Variants in SPEN observed in about 807,000 individuals in gnomAD.
SPEN encodes msx2-interacting protein.
In SPEN, 18 loss-of-function variants were observed where a neutral mutation model predicts 269.9. The ratio of observed to expected loss-of-function variants is 0.07; its 90% CI spans 0.05 to 0.10. The LOEUF (loss-of-function observed/expected upper bound fraction) is 0.10, where lower values mean the gene tolerates loss of function less well. SPEN is among the 10% of genes least tolerant of loss of function. SPEN has a pLI of 1.00. For missense variants in SPEN, 3,822 were observed against 4,631.2 expected, an observed-to-expected ratio of 0.83 and a Z score of 5.07; for synonymous variants, 1,726 against 1,765.7, an observed-to-expected ratio of 0.98 and a Z score of 0.56.
chr1:15,893,743 CA>C (rs986344253), intron 3 of SPEN, among the ~76,000 whole-genome samples: 1 of 149,878 alleles, frequency 6.7e-6, no homozygotes, highest in African/African-American at 2.4e-5. Flanking sequence ...TAAAAAAAAA[CA>C]AAAAAAAGCA....
intron 10 of SPEN, among the ~76,000 whole-genome samples, chr1:15,927,516 G>C (rs1350739743): frequency 6.6e-6 from 1 of 152,116 alleles, no homozygotes; most frequent in Non-Finnish European, 1.5e-5. Flanking sequence ...CAAAATTTTA[G>C]TTAAAATTTT....
At chr1:15,902,589 C>T (rs12142732) in intron 3 of SPEN, among the ~76,000 whole-genome samples, 30,080 of 152,018 alleles carry the variant, frequency 0.2, 3,785 homozygotes, top group African/African-American at 0.35. Flanking sequence ...GTGGGAAGGT[C>T]GTTTGAGCCC....
chr1:15,873,701 G>A, intron 2 of SPEN: 2 of 954,938 alleles, frequency 2.1e-6, no homozygotes, highest in Non-Finnish European at 2.4e-6. Flanking sequence ...GAAGAGAGAA[G>A]GCAATGCCTG....
At chr1:15,875,358 A>G (rs2148711639) in intron 2 of SPEN, among the ~76,000 whole-genome samples, 1 of 152,290 alleles carries the variant, frequency 6.6e-6, no homozygotes, top group East Asian at 1.9e-4. Flanking sequence ...ATCACAGGCA[A>G]TTTGAGTATA....
intron 10 of SPEN, 92 bp downstream of exon 10, chr1:15,922,441 A>G (rs2071128338): frequency 1.3e-6 from 1 of 780,376 alleles, no homozygotes; most frequent in Non-Finnish European, 2.1e-6. Flanking sequence ...TTCACTCTTT[A>G]CCCCTACTTT....
At chr1:15,904,743 G>A (rs558565419) in intron 3 of SPEN, among the ~76,000 whole-genome samples, 5 of 149,394 alleles carry the variant, frequency 3.3e-5, no homozygotes, top group Admixed American at 6.7e-5. Context: ...ATGAGCCACC[G>A]TGCCTGTAAT....
At chr1:15,909,161 AC>A (rs2148727995) in intron 3 of SPEN, among the ~76,000 whole-genome samples, 159 bp from the exon 4 acceptor site, 1 of 152,318 alleles carries the variant, frequency 6.6e-6, no homozygotes, top group South Asian at 2.1e-4. Flanking sequence ...GTCTTCTGCC[AC>A]CTCTGAAGGT....
Position 15,933,389 on chromosome 1 carries a change from A to T in SPEN, c.7149A>T (p.Glu2383Asp), listed in dbSNP as rs955453020. The change falls in exon 11 of 15, where the codon GAA (glutamate) becomes GAT (aspartate). Residue 2383 changes from glutamate (E) to aspartate (D), a missense_variant. Physicochemically the swap from Glu to Asp is conservative, Grantham distance 45 (BLOSUM62 2). Coordinates refer to ENST00000375759, the MANE Select transcript of SPEN (RefSeq NM_015001.3). The surrounding 1 kb of genome is among the most constrained non-coding windows in gnomAD (Gnocchi z 5.7). ...TTVQHPEAPQ[E>D]EKQSEKPHST... ...TACAGCACCCCGAAGCCCCACAGGA[A>T]GAAAAGCAGAGTGAGAAACCCCATT... The T allele has an allele frequency of 6.2e-7, 1 of 1,614,080 alleles. No individual in the cohort carries two copies. The highest frequency in any genetic ancestry group is 8.5e-7 in the Non-Finnish European group (1 of 1,180,050).
rs1213649115 is a variant in SPEN, at chr1:15,933,699, G to T, written c.7459G>T (p.Gly2487Trp). 1.9e-6 allele frequency: 3 copies of T among 1,614,040 alleles called. No individual in the cohort carries two copies. The highest frequency in any genetic ancestry group is 3.3e-5 in the Admixed American group (2 of 60,004). Reference sequence around the variant, plus strand: ...AAAGCTCTCACCTCCTGTCGCCTCTGGGGGGATCCCACACCAGAGCCCCCC... The same window carrying T: ...AAAGCTCTCACCTCCTGTCGCCTCTTGGGGGATCCCACACCAGAGCCCCCC... ...AAKLSPPVASGGIPHQSPPTK... is the reference protein window; with the variant it reads ...AAKLSPPVASWGIPHQSPPTK... Residue 2487 changes from glycine (G) to tryptophan (W), a missense_variant, in exon 11 of 15, where the codon GGG (glycine) becomes TGG (tryptophan). Gly to Trp is a radical substitution (Grantham distance 184, BLOSUM62 -2). Transcript: ENST00000375759. This position sits in a 1 kb window ranked among gnomAD's most constrained non-coding sequence, Gnocchi z 5.7.
chr1:15,872,784 T>C (rs958132095), intron 1 of SPEN, 32 bp from the exon 2 acceptor site: 14 of 1,456,134 alleles, frequency 9.6e-6, no homozygotes, highest in Non-Finnish European at 1.1e-5. Flanking sequence ...ATTATTGATA[T>C]GCAGCAATAA....
intron 1 of SPEN, among the ~76,000 whole-genome samples, chr1:15,863,326 A>G (rs993004886): frequency 2.6e-5 from 4 of 152,172 alleles, no homozygotes; most frequent in Non-Finnish European, 5.9e-5. Context: ...GAAGCCTGCA[A>G]TAGTTCTGAA....
chr1:15,856,467 T>C (rs922909679), intron 1 of SPEN, among the ~76,000 whole-genome samples: 1 of 152,090 alleles, frequency 6.6e-6, no homozygotes, highest in Non-Finnish European at 1.5e-5. Context: ...ATACAAATCA[T>C]ATATATTTTC....
intron 3 of SPEN, among the ~76,000 whole-genome samples, chr1:15,905,025 A>T (rs1029413186): frequency 6.7e-6 from 1 of 149,530 alleles, no homozygotes; most frequent in African/African-American, 2.5e-5. Context: ...AGTAGCTGGG[A>T]TTACACACAC....
intron 3 of SPEN, among the ~76,000 whole-genome samples, chr1:15,904,477 A>AAAAAAAAAAAAAAAAAAAAAAAT (rs1557750214): frequency 7.2e-6 from 1 of 137,948 alleles, no homozygotes; most frequent in Non-Finnish European, 1.5e-5. Context: ...AAAAAAAAAA[A>AAAAAAAAAAAAAAAAAAAAAAAT]GTGAACTAAA....
Position 15,897,673 on chromosome 1 carries a change from T to A in SPEN, c.882-11648T>A, listed in dbSNP as rs113788409. On this transcript the variant is annotated intron_variant, in intron 3 of 14. Coordinates refer to ENST00000375759, the MANE Select transcript of SPEN (RefSeq NM_015001.3). The stretch of plus-strand genomic sequence containing the variant: ...CACCACGCCTGGCCTAATTTTTGTA[T>A]TTTTTAGTAGAGATGGAGTTTCACC... Among the ~76,000 whole-genome samples, 837 of 152,172 alleles carry A rather than the reference T, an allele frequency of 5.5e-3. 11 individuals are homozygous for A. The highest frequency in any genetic ancestry group is 0.018 in the African/African-American group (768 of 41,546).
chr1:15,852,045 T>A (rs1168854651), intron 1 of SPEN, among the ~76,000 whole-genome samples: 1 of 152,224 alleles, frequency 6.6e-6, no homozygotes, highest in African/African-American at 2.4e-5. Flanking sequence ...TTAAAATGTT[T>A]GATCACAGTG....
intron 1 of SPEN, among the ~76,000 whole-genome samples, chr1:15,868,675 C>A (rs1414516903): frequency 6.6e-6 from 1 of 152,036 alleles, no homozygotes; most frequent in Non-Finnish European, 1.5e-5. Flanking sequence ...ACCTCGTGAT[C>A]CGCCTGCCTT....
chr1:15,899,540 T>G (rs1204983118), intron 3 of SPEN, among the ~76,000 whole-genome samples: 1 of 143,894 alleles, frequency 6.9e-6, no homozygotes, highest in African/African-American at 2.5e-5. Flanking sequence ...TGGCAGAGTT[T>G]TTTTTTTTTT....
chr1:15,934,995 G>A lies in SPEN; in HGVS notation c.8755G>A (p.Val2919Met), dbSNP rs1246778455. The stretch of plus-strand genomic sequence containing the variant: ...GAAGCCCGAGCCCATTCACCTCTCG[G>A]TGTCCACGCCTGTCACCCAGGGAGG... ...LEKPEPIHLS[V>M]STPVTQGGTV... The change falls in exon 11 of 15, where the codon GTG becomes ATG. Residue 2919 changes from valine to methionine, a missense_variant. Coordinates refer to ENST00000375759, the MANE Select transcript of SPEN (RefSeq NM_015001.3). The surrounding 1 kb of genome is among the most constrained non-coding windows in gnomAD (Gnocchi z 9.2). The A allele has an allele frequency of 2.5e-6, 4 of 1,613,816 alleles. No homozygotes were observed. Among genetic ancestry groups the A allele is most frequent in the African/African-American group, 1.3e-5 (1 of 74,864 alleles).
Sources: gnomAD v4.1 joint callset for allele counts (sites outside exome capture counted in the v4.1 genomes callset) on GRCh38, gnomAD v4.1.1 for gene constraint, Gnocchi (gnomAD v3.1) non-coding constraint, MANE v1.5 for transcripts, NCBI Gene and HGNC (gene_info 2026-07-23, HGNC 2026-07-21) for gene names.